TNRC6B: variants seen among roughly 807,000 people sequenced by gnomAD.
TNRC6B encodes the protein trinucleotide repeat containing adaptor 6B.
TNRC6B carries 52 observed loss-of-function variants against 203.6 expected under a neutral mutation model. The observed-to-expected ratio is 0.26, with a 90% CI of 0.20 to 0.32. The LOEUF (loss-of-function observed/expected upper bound fraction) is 0.32, where lower values mean the gene tolerates loss of function less well. TNRC6B is among the 10% of genes least tolerant of loss of function. TNRC6B has a pLI of 1.00. For synonymous variants in TNRC6B, 838 were observed against 845.7 expected, an observed-to-expected ratio of 0.99 and a Z score of 0.16; for missense variants, 1,923 against 2,286.2, an observed-to-expected ratio of 0.84 and a Z score of 3.24.
intron 1 of TNRC6B, among the ~76,000 whole-genome samples, chr22:40,111,127 G>T (rs1180671089): frequency 6.6e-6 from 1 of 152,170 alleles, no homozygotes; most frequent in African/African-American, 2.4e-5. Flanking sequence ...CACAGAACAG[G>T]TTTCCCTAAG....
At chr22:40,288,186 AT>A (rs1184505236) in intron 12 of TNRC6B, among the ~76,000 whole-genome samples, 1 of 152,262 alleles carries the variant, frequency 6.6e-6, no homozygotes, top group Non-Finnish European at 1.5e-5. Context: ...TTTGCTTAGG[AT>A]TTGGGACTTG....
intron 1 of TNRC6B, chr22:40,106,261 TGAGA>T: frequency 3.5e-6 from 1 of 286,992 alleles, no homozygotes; most frequent in Non-Finnish European, 6.5e-6. Context: ...TTTTTCAATT[TGAGA>T]GCAGGTACTG....
At chr22:40,196,837 G>T (rs972600629) in intron 1 of TNRC6B, among the ~76,000 whole-genome samples, 1 of 152,026 alleles carries the variant, frequency 6.6e-6, no homozygotes, top group Non-Finnish European at 1.5e-5. Flanking sequence ...CTCTGGTCGG[G>T]GGGAAGGGAC....
rs531662579 is a variant in TNRC6B at position 40,323,152 on chromosome 22, G to A, written c.5413G>A (p.Val1805Ile). 1 of 1,613,906 alleles carries A rather than the reference G, an allele frequency of 6.2e-7. No individual in the cohort carries two copies. Among genetic ancestry groups the A allele is most frequent in the East Asian group, 2.2e-5 (1 of 44,880 alleles). ...PPNYSSSLWGVPTVEDPHRMG... is the reference protein window; with the variant it reads ...PPNYSSSLWGIPTVEDPHRMG... Reference sequence around the variant, plus strand: ...AAACTATTCTTCTAGCTTATGGGGAGTCCCAACGGTGGAAGATCCCCATAG... The same window carrying A: ...AAACTATTCTTCTAGCTTATGGGGAATCCCAACGGTGGAAGATCCCCATAG... The change falls in exon 23 of 23, where the codon GTC (valine) becomes ATC (isoleucine). Residue 1805 changes from valine to isoleucine, a missense_variant. Val to Ile is a conservative substitution (Grantham distance 29). Transcript: ENST00000454349.
intron 1 of TNRC6B, among the ~76,000 whole-genome samples, chr22:40,062,862 T>C: frequency 6.6e-6 from 1 of 152,212 alleles, no homozygotes; most frequent in Non-Finnish European, 1.5e-5. Flanking sequence ...TATAAATCCC[T>C]TTTTAGACAC....
chr22:40,313,537 C>T (rs896852657), intron 19 of TNRC6B, among the ~76,000 whole-genome samples: 8 of 152,088 alleles, frequency 5.3e-5, no homozygotes, highest in Admixed American at 5.2e-4. Context: ...ATAATAAAGG[C>T]TTTGAAGTCA....
intron 3 of TNRC6B, among the ~76,000 whole-genome samples, chr22:40,154,861 ATATATAT>A (rs1453939311): frequency 1.1e-4 from 2 of 18,446 alleles, no homozygotes; most frequent in Non-Finnish European, 1.7e-4. Flanking sequence ...AAAAAAAAAA[ATATATAT>A]ATATATATAT....
chr22:40,116,181 T>C (rs189689327), intron 1 of TNRC6B, among the ~76,000 whole-genome samples: 1 of 152,292 alleles, frequency 6.6e-6, no homozygotes, highest in Non-Finnish European at 1.5e-5. Context: ...ACAGAAGTAT[T>C]GGGTTGACTG....
At chr22:40,278,104 T>G in intron 9 of TNRC6B, 60 bp downstream of exon 9, 1 of 1,344,542 alleles carries the variant, frequency 7.4e-7, no homozygotes, top group Non-Finnish European at 1.0e-6. Context: ...CCTTTTGGCA[T>G]CTCCTGCCCA....
At chr22:40,109,859 T>G (rs6001773) in intron 1 of TNRC6B, among the ~76,000 whole-genome samples, 1 of 152,002 alleles carries the variant, frequency 6.6e-6, no homozygotes, top group African/African-American at 2.4e-5. Flanking sequence ...CTCCTTATAT[T>G]TAGTGTAAGG....
At chr22:40,187,340 C>G (rs945591629) in intron 1 of TNRC6B, among the ~76,000 whole-genome samples, 6 of 152,156 alleles carry the variant, frequency 3.9e-5, no homozygotes, top group African/African-American at 1.2e-4. Flanking sequence ...GGTCAAATCT[C>G]TAATTTTGAA....
chr22:40,218,867 T>G (rs1449257952), intron 1 of TNRC6B, among the ~76,000 whole-genome samples: 3 of 152,126 alleles, frequency 2.0e-5, no homozygotes, highest in African/African-American at 2.4e-5. Context: ...TGTCGAGCTT[T>G]TAAGAGCCAG....
intron 1 of TNRC6B, among the ~76,000 whole-genome samples, chr22:40,055,759 A>G (rs1172429715): frequency 6.6e-6 from 1 of 152,162 alleles, no homozygotes; most frequent in East Asian, 1.9e-4. Flanking sequence ...GAGAGTGTAA[A>G]GGAAGTGACT....
chr22:40,200,125 A>T (rs998568238), intron 1 of TNRC6B, among the ~76,000 whole-genome samples: 5 of 151,494 alleles, frequency 3.3e-5, no homozygotes, highest in Non-Finnish European at 5.9e-5. Context: ...TTTTTTGGGA[A>T]AACACATACT....
rs895360891 is a variant in TNRC6B, at chr22:40,334,745, G to T, written c.*11504G>T. 4 of 152,570 alleles carry T rather than the reference G, an allele frequency of 2.6e-5. No individual in the cohort carries two copies. The highest frequency in any genetic ancestry group is 4.8e-5 in the African/African-American group (2 of 41,446). The allele number at this position is 152,570 out of a possible 1,614,324, so 9.5% of individuals were successfully genotyped here. A position where few individuals can be genotyped will look rare whatever the true frequency, so the allele number is the denominator to read the frequency against. On this transcript the variant is annotated 3_prime_UTR_variant, in exon 23 of 23. Transcript: ENST00000454349. Reference sequence around the variant, plus strand: ...GGGGCGTAGCAGAGGAGGATAGGTAGAGAAGTACCATTTTAATTATTTGTG... The same window carrying T: ...GGGGCGTAGCAGAGGAGGATAGGTATAGAAGTACCATTTTAATTATTTGTG...
At position 40,330,314 on chromosome 22, in the gene TNRC6B, C is replaced by T. The variant is rs1245089701; in HGVS notation, c.*7073C>T. On this transcript the variant is annotated 3_prime_UTR_variant, in exon 23 of 23. Transcript: ENST00000454349. ...GAAAGGAAGTGCTTTGCTTTCTCTC[C>T]CGCCTTCCGGAATCTGGCGTTCCTT... The T allele has an allele frequency of 6.6e-6, 1 of 152,174 alleles. No individual in the cohort carries two copies. The highest frequency in any genetic ancestry group is 1.5e-5 in the Non-Finnish European group (1 of 68,052). The allele number at this position is 152,174 out of a possible 1,614,324, so 9.4% of individuals were successfully genotyped here. A position where few individuals can be genotyped will look rare whatever the true frequency, so the allele number is the denominator to read the frequency against.
intron 1 of TNRC6B, among the ~76,000 whole-genome samples, chr22:40,209,918 C>G (rs890940421): frequency 2.0e-5 from 3 of 151,584 alleles, no homozygotes; most frequent in Non-Finnish European, 4.4e-5. Flanking sequence ...ACTCTGGAGG[C>G]TGAGGCAGAG....
intron 1 of TNRC6B, chr22:40,107,168 A>G (rs1157402673): frequency 1.5e-5 from 8 of 543,538 alleles, no homozygotes; most frequent in South Asian, 1.2e-4. Context: ...TACTTTTTGT[A>G]TCCTATTTAA....
chr22:40,163,451 T>C (rs1329683383), intron 4 of TNRC6B, among the ~76,000 whole-genome samples: 3 of 38,168 alleles, frequency 7.9e-5, no homozygotes, highest in African/African-American at 1.2e-4. Flanking sequence ...AATGAGACCC[T>C]GTCTCAAAAA....
Sources: gnomAD v4.1 joint callset for allele counts (sites outside exome capture counted in the v4.1 genomes callset) on GRCh38, gnomAD v4.1.1 for gene constraint, MANE v1.5 for transcripts, NCBI Gene and HGNC (gene_info 2026-07-23, HGNC 2026-07-21) for gene names.